Variants in BIRC6 observed in about 807,000 individuals in gnomAD.
The protein encoded by BIRC6 is dual E2 ubiquitin-conjugating enzyme/E3 ubiquitin-protein ligase BIRC6.
In BIRC6, 98 loss-of-function variants were observed where a neutral mutation model predicts 503.3. That is an observed-to-expected ratio of 0.19 (90% CI 0.17 to 0.23). The LOEUF is 0.23. Among genes scored for constraint, BIRC6 ranks in the 10% least tolerant of loss-of-function variants. BIRC6 has a pLI of 1.00. For synonymous variants in BIRC6, 2,240 were observed against 2,078.7 expected (o/e 1.08, Z -2.11); for missense variants, 5,360 against 5,806.0 (o/e 0.92, Z 2.50).
chr2:32,549,386 G>A lies in BIRC6; in HGVS notation c.13049G>A (p.Gly4350Glu), dbSNP rs1199454414. ...GEAQSSHETR[G>E]QNSNALPSVL... ...GCTCAGTCATCTCATGAGACTAGAG[G>A]GCAGAACAGTAATGCCCTTCCTTCT... Residue 4350 changes from glycine (G) to glutamate (E), a missense_variant, in exon 65 of 74, where the codon GGG (glycine) becomes GAG (glutamate). Gly to Glu is a moderately conservative substitution (Grantham distance 98). Around this residue, in one of 16 missense-constraint regions of BIRC6, gnomAD observed 477 missense variants for 574.4 expected, o/e 0.83. Coordinates refer to ENST00000421745, the MANE Select transcript of BIRC6 (RefSeq NM_016252.4). 2.0e-6 allele frequency: 3 copies of A among 1,519,032 alleles called. No individual in the cohort carries two copies. The South Asian group carries it at 3.9e-5, about 20-fold the overall frequency. 94.1% of individuals were successfully genotyped at this position (1,519,032 alleles called of 1,614,324 possible). A position where few individuals can be genotyped will look rare whatever the true frequency, so the allele number is the denominator to read the frequency against.
chr2:32,604,065 C>G (rs2062257931), intron 71 of BIRC6, among the ~76,000 whole-genome samples: 1 of 151,822 alleles, frequency 6.6e-6, no homozygotes, highest in Non-Finnish European at 1.5e-5. Context: ...TTTTGCATGC[C>G]TCTAATATAT....
rs192943089 is a variant in BIRC6, at chr2:32,499,786, C to T, written c.8708C>T (p.Pro2903Leu). The change falls in exon 46 of 74, where the codon CCG (proline) becomes CTG (leucine). Residue 2903 changes from proline to leucine, a missense_variant. Pro to Leu is a moderately conservative substitution (Grantham distance 98, BLOSUM62 -3). This residue lies in a region of BIRC6 where 2,299 missense variants were observed against 2,267.2 expected (regional missense o/e 1.01). Coordinates refer to ENST00000421745, the MANE Select transcript of BIRC6 (RefSeq NM_016252.4). ...FGGLFANLIR[P>L]GDAKAVCGEM... ...GGACTCTTTGCCAATCTTATTCGTC[C>T]GGGTGATGCAAAAGCAGTTTGTGGC... 8.7e-6 allele frequency: 14 copies of T among 1,613,814 alleles called. No individual in the cohort carries two copies. The highest frequency in any genetic ancestry group is 4.0e-5 in the African/African-American group (3 of 74,932).
chr2:32,534,745 A>G (rs2057073948), intron 61 of BIRC6, among the ~76,000 whole-genome samples: 1 of 147,910 alleles, frequency 6.8e-6, no homozygotes, highest in African/African-American at 2.4e-5. Context: ...AAAAAAAAAA[A>G]AAAAAAAAAA....
chr2:32,611,592 CCTCT>C lies in BIRC6; in HGVS notation c.14394+13_14394+16del, dbSNP rs754120049. The C allele has an allele frequency of 6.5e-7, 1 of 1,550,006 alleles. No homozygotes were observed. The highest frequency in any genetic ancestry group is 8.7e-7 in the Non-Finnish European group (1 of 1,144,072). On this transcript the variant is annotated intron_variant, in intron 73 of 73. Coordinates refer to ENST00000421745, the MANE Select transcript of BIRC6 (RefSeq NM_016252.4). ...TGCAGCAGCTCTCAAGGTGAGTAAG[CCTCT>C]CTAACAGGAGCCTTGTTGCTTTAAG...
intron 57 of BIRC6, chr2:32,522,285 C>T (rs1360500195): frequency 6.6e-6 from 1 of 151,862 alleles, no homozygotes; most frequent in Non-Finnish European, 1.5e-5. Context: ...GGATGCCAGA[C>T]AATGTAAATT....
intron 42 of BIRC6, 49 bp downstream of exon 42, chr2:32,488,763 A>G: frequency 8.0e-7 from 1 of 1,245,748 alleles, no homozygotes; most frequent in South Asian, 1.7e-5. Context: ...GCAAGCTTAA[A>G]ACGTAATTAT....
At chr2:32,473,775 C>G (rs777481716) in intron 33 of BIRC6, among the ~76,000 whole-genome samples, 20 of 97,832 alleles carry the variant, frequency 2.0e-4, no homozygotes, top group Non-Finnish European at 2.7e-4. Context: ...TTTTTTGAGA[C>G]AGGGTCTCAT....
chr2:32,415,133 T>C lies in BIRC6; in HGVS notation c.1842T>C (p.Thr614=). 2 of 1,614,008 alleles carry C rather than the reference T, an allele frequency of 1.2e-6. No homozygotes were observed. Among genetic ancestry groups the C allele is most frequent in the Non-Finnish European group, 1.7e-6 (2 of 1,179,890 alleles). The part of the protein sequence containing the change: ...EQGSTDNESC[T]NSELNSPLVR... Reference sequence around the variant, plus strand: ...GGTCAACTGACAATGAATCCTGCACTAATTCAGAACTAAATTCTCCTCTGG... The same window carrying C: ...GGTCAACTGACAATGAATCCTGCACCAATTCAGAACTAAATTCTCCTCTGG... The change falls in exon 10 of 74, where the codon ACT becomes ACC. Residue 614 remains threonine (T), a synonymous_variant. Transcript: ENST00000421745.
chr2:32,443,655 A>T (rs2045657478), intron 20 of BIRC6, 67 bp downstream of exon 20: 1 of 1,190,050 alleles, frequency 8.4e-7, no homozygotes, highest in Non-Finnish European at 1.2e-6. Flanking sequence ...TATACTTAGG[A>T]TTATTTCATA....
intron 53 of BIRC6, among the ~76,000 whole-genome samples, chr2:32,511,236 G>C (rs187141721): frequency 1.3e-5 from 1 of 75,966 alleles, no homozygotes; most frequent in African/African-American, 5.2e-5. Context: ...TTTACATTTA[G>C]GTAATTTTAA....
In BIRC6 at chr2:32,414,422, T is replaced by C. The variant is rs189749015; in HGVS notation, c.1478-347T>C. Among the ~76,000 whole-genome samples, 14 of 152,236 alleles carry C rather than the reference T, an allele frequency of 9.2e-5. No individual in the cohort carries two copies. The East Asian group carries it at 2.3e-3, about 25-fold the overall frequency. ...TGGCTCACGCCTGTAATCCCAGCAC[T>C]TTGGGAGGCTGAGGTGGGTGGATCA... On this transcript the variant is annotated intron_variant, in intron 9 of 73. Coordinates refer to ENST00000421745, the MANE Select transcript of BIRC6 (RefSeq NM_016252.4).
intron 9 of BIRC6, among the ~76,000 whole-genome samples, chr2:32,407,445 C>CAAAAAAAAAAAAAAAAAAAAAAAAAAAA (rs760585710): frequency 1.4e-5 from 1 of 69,810 alleles, no homozygotes; most frequent in Non-Finnish European, 3.0e-5. Context: ...AACTCTGTCT[C>CAAAAAAAAAAAAAAAAAAAAAAAAAAAA]AAAAAAAAAA....
At chr2:32,500,159 G>GTT in intron 46 of BIRC6, 50 bp downstream of exon 46, 2 of 1,428,614 alleles carry the variant, frequency 1.4e-6, no homozygotes, top group Non-Finnish European at 1.9e-6. Flanking sequence ...ACTATAACTG[G>GTT]TTTTTTTTTA....
At chr2:32,483,620 C>CA (rs780116682) in intron 39 of BIRC6, among the ~76,000 whole-genome samples, 54 of 152,176 alleles carry the variant, frequency 3.5e-4, no homozygotes, top group Non-Finnish European at 6.9e-4. Flanking sequence ...ATTTAATCGT[C>CA]ACGTCTCTTT....
chr2:32,547,824 G>T, intron 63 of BIRC6, 26 bp from the exon 64 acceptor site: 1 of 1,514,130 alleles, frequency 6.6e-7, no homozygotes, highest in South Asian at 1.3e-5. Flanking sequence ...AAATTGTAAT[G>T]GATTTTCATT....
rs578162746 is a variant in BIRC6, at chr2:32,488,766, G to A, written c.8095+52G>A. 52 of 1,212,758 alleles carry A rather than the reference G, an allele frequency of 4.3e-5. 1 individual carries two copies. Among genetic ancestry groups the A allele is most frequent in the African/African-American group, 2.7e-4 (17 of 63,444 alleles). 75.1% of individuals were successfully genotyped at this position (1,212,758 alleles called of 1,614,324 possible). A position where few individuals can be genotyped will look rare whatever the true frequency, so the allele number is the denominator to read the frequency against. ...ATAGTCTAAATAGCAAGCTTAAAAC[G>A]TAATTATTAGGTTAAAATATACCTA... On this transcript the variant is annotated intron_variant, in intron 42 of 73. Coordinates refer to ENST00000421745, the MANE Select transcript of BIRC6 (RefSeq NM_016252.4).
chr2:32,537,287 A>G (rs1196215066), intron 61 of BIRC6, among the ~76,000 whole-genome samples: 1 of 152,214 alleles, frequency 6.6e-6, no homozygotes, highest in Non-Finnish European at 1.5e-5. Context: ...AAGTGGACCT[A>G]ATAGACATCA....
chr2:32,386,229 TA>T (rs1025640597), intron 3 of BIRC6, among the ~76,000 whole-genome samples: 50 of 152,218 alleles, frequency 3.3e-4, no homozygotes, highest in Admixed American at 1.3e-3. Context: ...AAAGTAAAGA[TA>T]GAAAAATATT....
At chr2:32,485,377 T>C (rs916739705) in intron 39 of BIRC6, among the ~76,000 whole-genome samples, 1 of 152,240 alleles carries the variant, frequency 6.6e-6, no homozygotes, top group Non-Finnish European at 1.5e-5. Context: ...AACCTGGTTC[T>C]CATTATCCTT....
Sources: gnomAD v4.1 joint callset for allele counts (sites outside exome capture counted in the v4.1 genomes callset) on GRCh38, gnomAD v4.1.1 for gene constraint, gnomAD v4.1.1 regional missense constraint, MANE v1.5 for transcripts, NCBI Gene and HGNC (gene_info 2026-07-23, HGNC 2026-07-21) for gene names.